Variants in IL7 observed in about 807,000 individuals in gnomAD.
IL7 encodes the protein interleukin 7, also known as interleukin-7.
A neutral mutation model predicts 21.6 loss-of-function variants in IL7; 3 were observed. That is an observed-to-expected ratio of 0.14 (90% CI 0.06 to 0.36). The LOEUF (loss-of-function observed/expected upper bound fraction) is 0.36. Among genes scored for constraint, IL7 ranks in the 10% least tolerant of loss-of-function variants. The pLI, the probability that IL7 is intolerant of heterozygous loss-of-function variation, is 1.00. For synonymous variants in IL7, 62 were observed against 68.1 expected, an observed-to-expected ratio of 0.91 and a Z score of 0.44; for missense variants, 175 against 200.2, an observed-to-expected ratio of 0.87 and a Z score of 0.76.
At chr8:78,754,828 T>G (rs1812296179) in intron 2 of IL7, among the ~76,000 whole-genome samples, 1 of 152,166 alleles carries the variant, frequency 6.6e-6, no homozygotes, top group Non-Finnish European at 1.5e-5. Flanking sequence ...TGTAGAAGTT[T>G]TTAGTTTAAT....
chr8:78,697,962 G>C (rs1183654482), intron 3 of IL7, among the ~76,000 whole-genome samples: 1 of 152,114 alleles, frequency 6.6e-6, no homozygotes, highest in East Asian at 1.9e-4. Flanking sequence ...ACTGGCGTGA[G>C]CCACCGTGGT....
At chr8:78,752,511 A>G (rs1030989213) in intron 2 of IL7, among the ~76,000 whole-genome samples, 1 of 152,010 alleles carries the variant, frequency 6.6e-6, no homozygotes, top group African/African-American at 2.4e-5. Flanking sequence ...ATTTTTTTCC[A>G]GTGATTAGTG....
intron 3 of IL7, among the ~76,000 whole-genome samples, chr8:78,697,158 T>A (rs1476186096): frequency 5.3e-5 from 8 of 152,220 alleles, no homozygotes; most frequent in Non-Finnish European, 1.0e-4. Context: ...ATTATTTTTT[T>A]ACTGTGGTAT....
chr8:78,734,007 G>A (rs866505374), intron 5 of IL7, among the ~76,000 whole-genome samples, 175 bp from the exon 6 acceptor site: 1 of 152,058 alleles, frequency 6.6e-6, no homozygotes, highest in Non-Finnish European at 1.5e-5. Context: ...TAACTGACAT[G>A]TAGAAAATTC....
At chr8:78,736,571 T>C in intron 4 of IL7, 44 bp from the exon 5 acceptor site, 1 of 1,267,946 alleles carries the variant, frequency 7.9e-7, no homozygotes, top group Non-Finnish European at 1.1e-6. Flanking sequence ...ATTTCTTCAT[T>C]GCTCCTCCAG....
intron 4 of IL7, among the ~76,000 whole-genome samples, chr8:78,684,751 C>G (rs2130476476): frequency 6.6e-6 from 1 of 152,204 alleles, no homozygotes; most frequent in East Asian, 1.9e-4. Context: ...AAAGGACCCT[C>G]TGCAAAAGAA....
chr8:78,726,322 A>C (rs976874387), intron 3 of IL7, among the ~76,000 whole-genome samples: 1 of 151,966 alleles, frequency 6.6e-6, no homozygotes, highest in Admixed American at 6.6e-5. Context: ...AGGAAAGAGT[A>C]TTTCATGAAA....
chr8:78,739,855 G>T, intron 3 of IL7, 147 bp downstream of exon 3: 1 of 599,260 alleles, frequency 1.7e-6, no homozygotes, highest in Non-Finnish European at 2.5e-6. Context: ...ATATAAAATT[G>T]GGCCATAGTA....
intron 2 of IL7, among the ~76,000 whole-genome samples, chr8:78,750,146 T>C (rs1054977033): frequency 6.6e-6 from 1 of 152,082 alleles, no homozygotes; most frequent in African/African-American, 2.4e-5. Flanking sequence ...TATCAGAGTC[T>C]GATCTGCCTG....
At chr8:78,778,081 T>C (rs1813191594) in intron 2 of IL7, among the ~76,000 whole-genome samples, 1 of 152,066 alleles carries the variant, frequency 6.6e-6, no homozygotes, top group Admixed American at 6.6e-5. Flanking sequence ...CAACTGTAAT[T>C]ATCAGCATTA....
downstream of IL7, chr8:78,715,116 T>G: frequency 1.0e-6 from 1 of 960,036 alleles, no homozygotes; most frequent in Non-Finnish European, 1.5e-6. Context: ...TCTTTTGAAC[T>G]TCTCTGAAGC....
intron 2 of IL7, among the ~76,000 whole-genome samples, chr8:78,769,582 T>C (rs1183216104): frequency 6.6e-6 from 1 of 152,134 alleles, no homozygotes; most frequent in Non-Finnish European, 1.5e-5. Flanking sequence ...GTAGGAAGAA[T>C]CAATATCATG....
chr8:78,701,156 C>G (rs1341593300), intron 3 of IL7, among the ~76,000 whole-genome samples: 1 of 152,182 alleles, frequency 6.6e-6, no homozygotes, highest in African/African-American at 2.4e-5. Context: ...TTTGTGTCAT[C>G]TTTAATTTCT....
chr8:78,683,515 G>T (rs969553889), intron 4 of IL7, among the ~76,000 whole-genome samples: 1 of 152,150 alleles, frequency 6.6e-6, no homozygotes, highest in Non-Finnish European at 1.5e-5. Context: ...CAGCTGGGAC[G>T]CAGGGCACCA....
chr8:78,774,578 C>T (rs566688018), intron 2 of IL7, among the ~76,000 whole-genome samples: 3 of 152,126 alleles, frequency 2.0e-5, no homozygotes, highest in South Asian at 2.1e-4. Context: ...AAGCAATTCT[C>T]GTGCAATTTA....
At chr8:78,706,415 C>G (rs965149378) in intron 3 of IL7, among the ~76,000 whole-genome samples, 2 of 152,116 alleles carry the variant, frequency 1.3e-5, no homozygotes, top group Admixed American at 1.3e-4. Flanking sequence ...TGCCAAGACT[C>G]CCCATATCTG....
At chr8:78,738,696 T>G (rs1187943490) in intron 3 of IL7, 61 bp from the exon 4 acceptor site, 1 of 1,517,754 alleles carries the variant, frequency 6.6e-7, no homozygotes, top group East Asian at 2.3e-5. Context: ...AATTATAAGC[T>G]TTCTTAAGGA....
chr8:78,717,658 A>G, downstream of IL7: 1 of 625,198 alleles, frequency 1.6e-6, no homozygotes, highest in Non-Finnish European at 2.6e-6. Flanking sequence ...GTGTATGTTT[A>G]TATGTGTACA....
At chr8:78,778,002 A>C (rs760154040) in intron 2 of IL7, among the ~76,000 whole-genome samples, 38 of 152,126 alleles carry the variant, frequency 2.5e-4, no homozygotes, top group Non-Finnish European at 5.0e-4. Flanking sequence ...CTAGAGCTAC[A>C]TGGGGCCATT....
Sources: gnomAD v4.1 joint callset for allele counts (sites outside exome capture counted in the v4.1 genomes callset) on GRCh38, gnomAD v4.1.1 for gene constraint, MANE v1.5 for transcripts, NCBI Gene and HGNC (gene_info 2026-07-23, HGNC 2026-07-21) for gene names.